USP9Y: variants seen among roughly 807,000 people sequenced by gnomAD.
USP9Y encodes the protein ubiquitin specific peptidase 9 Y-linked.
A neutral mutation model predicts 53.1 loss-of-function variants in USP9Y; 41 were observed. The ratio of observed to expected loss-of-function variants is 0.77; its 90% CI spans 0.60 to 1.00. The LOEUF is 1.00. Among genes scored for constraint, USP9Y ranks in the 50% least tolerant of loss-of-function variants. USP9Y has a pLI of 0.00. For synonymous variants in USP9Y, 220 were observed against 173.7 expected, an observed-to-expected ratio of 1.27 and a Z score of -2.09; for missense variants, 567 against 535.8, an observed-to-expected ratio of 1.06 and a Z score of -0.58.
chrY:12,853,748 C>T, intron 42 of USP9Y, among the ~76,000 whole-genome samples: 1 of 33,195 alleles, frequency 3.0e-5, no homozygotes, highest in African/African-American at 1.2e-4. Flanking sequence ...TTAAGGAACC[C>T]AGTAAGGCTT....
intron 30 of USP9Y, among the ~76,000 whole-genome samples, chrY:12,812,502 A>G (rs1603201797): frequency 6.0e-5 from 2 of 33,601 alleles, no homozygotes; most frequent in East Asian, 1.6e-3. Context: ...ATGTCATGCA[A>G]TTCAAGAAAA....
At position 12,735,634 on chromosome Y, in the gene USP9Y, A is replaced by G; in HGVS notation, c.680A>G (p.Asn227Ser). The change falls in exon 8 of 46, where the codon AAT becomes AGT. Residue 227 changes from asparagine (N) to serine (S), a missense_variant. Coordinates refer to ENST00000338981, the MANE Select transcript of USP9Y (RefSeq NM_004654.4). ...SPKGWLVDLI[N>S]KFGTLNGFQI... ...CAGGGTTGGCTAGTGGATCTCATCA[A>G]TAAATTTGGCACATTAAATGGGTTC... 5.1e-6 allele frequency: 2 copies of G among 395,414 alleles called. No individual in the cohort carries two copies. Among genetic ancestry groups the G allele is most frequent in the Non-Finnish European group, 7.1e-6 (2 of 280,957 alleles).
intron 3 of USP9Y, among the ~76,000 whole-genome samples, chrY:12,717,263 T>A (rs76415739): frequency 3.2e-5 from 1 of 31,407 alleles, no homozygotes; most frequent in South Asian, 7.7e-4. Context: ...ACTATGCATG[T>A]GAGGGATGTA....
intron 30 of USP9Y, among the ~76,000 whole-genome samples, 200 bp downstream of exon 30, chrY:12,811,981 G>A (rs2053531407): frequency 6.3e-5 from 2 of 31,758 alleles, no homozygotes; most frequent in Non-Finnish European, 1.5e-4. Flanking sequence ...GTAGAGACCT[G>A]GCTAATTTTT....
intron 42 of USP9Y, 87 bp from the exon 43 acceptor site, chrY:12,856,252 CA>C: frequency 3.9e-6 from 1 of 257,806 alleles, no homozygotes; most frequent in Non-Finnish European, 6.1e-6. Context: ...ATGATTACAT[CA>C]AAAAAGTACT....
intron 15 of USP9Y, among the ~76,000 whole-genome samples, chrY:12,767,742 G>T (rs2053481484): frequency 9.3e-5 from 3 of 32,415 alleles, no homozygotes. Context: ...GCTTTTTCTT[G>T]TGATATCATG....
At chrY:12,718,928 G>A in intron 3 of USP9Y, among the ~76,000 whole-genome samples, 1 of 34,039 alleles carries the variant, frequency 2.9e-5, no homozygotes, top group Non-Finnish European at 7.3e-5. Flanking sequence ...AAATGTACTA[G>A]TTTGTCCATT....
intron 33 of USP9Y, among the ~76,000 whole-genome samples, chrY:12,825,298 T>A: frequency 1.8e-4 from 6 of 33,077 alleles, no homozygotes; most frequent in African/African-American, 7.2e-4. Context: ...TATGTGTGTG[T>A]GAGCATTGAT....
intron 16 of USP9Y, among the ~76,000 whole-genome samples, chrY:12,772,593 G>C (rs753140514): frequency 4.3e-4 from 13 of 29,989 alleles, no homozygotes; most frequent in Middle Eastern, 0.015. Context: ...GGTGAAACTG[G>C]GTCTCTACTA....
In USP9Y at chrY:12,818,480, G is replaced by C; in HGVS notation, c.4891G>C (p.Ala1631Pro). ...GYPHQFEDKP[A>P]LSKTEDRKEY... Reference sequence around the variant, plus strand: ...TCCTCATCAATTTGAAGACAAGCCAGCATTAAGTAAGACAGAAGATAGGAA... The same window carrying C: ...TCCTCATCAATTTGAAGACAAGCCACCATTAAGTAAGACAGAAGATAGGAA... Residue 1631 changes from alanine to proline, a missense_variant, in exon 33 of 46, where the codon GCA becomes CCA. By Grantham distance (27) the Ala-to-Pro change is conservative (BLOSUM62 -1). Transcript: ENST00000338981. 2.5e-6 allele frequency: 1 copy of C among 397,145 alleles called. No homozygotes were observed. Among genetic ancestry groups the C allele is most frequent in the Non-Finnish European group, 3.5e-6 (1 of 282,387 alleles).
At chrY:12,719,911 G>A in intron 3 of USP9Y, among the ~76,000 whole-genome samples, 1 of 29,431 alleles carries the variant, frequency 3.4e-5, no homozygotes, top group Admixed American at 3.1e-4. Context: ...CTCAGCCTCC[G>A]AAATAGTTGG....
chrY:12,787,169 C>T (rs2053503233), intron 24 of USP9Y, among the ~76,000 whole-genome samples: 2 of 33,833 alleles, frequency 5.9e-5, no homozygotes, highest in East Asian at 1.5e-3. Context: ...ATGCAGCAAA[C>T]CTCTCTTCCC....
chrY:12,783,580 AAAT>A (rs2053499635), intron 22 of USP9Y, among the ~76,000 whole-genome samples: 1 of 33,523 alleles, frequency 3.0e-5, no homozygotes, highest in Non-Finnish European at 7.4e-5. Context: ...AAAAACTTTG[AAAT>A]ACTGTGAGAA....
intron 22 of USP9Y, among the ~76,000 whole-genome samples, chrY:12,780,304 G>T: frequency 3.1e-5 from 1 of 32,287 alleles, no homozygotes; most frequent in Non-Finnish European, 7.5e-5. Flanking sequence ...TGTTCATGTG[G>T]TCAGATCTGT....
At chrY:12,720,766 T>G in intron 4 of USP9Y, 29 bp downstream of exon 4, 1 of 395,347 alleles carries the variant, frequency 2.5e-6, no homozygotes, top group South Asian at 3.0e-5. Flanking sequence ...GTTTTATTAA[T>G]GGATGCAGTA....
intron 1 of USP9Y, among the ~76,000 whole-genome samples, chrY:12,704,438 T>C (rs899767137): frequency 1.5e-4 from 5 of 33,875 alleles, no homozygotes; most frequent in Non-Finnish European, 2.9e-4. Flanking sequence ...TGGTCTGTAG[T>C]TTCTTTTTAG....
At position 12,857,625 on chromosome Y, in the gene USP9Y, A is replaced by G. The variant is rs1345967776; in HGVS notation, c.7494A>G (p.Pro2498=). The stretch of plus-strand genomic sequence containing the variant: ...AGCCCTCTCCATCAGAAGATGCCCC[A>G]TTATATCCTCATTCACCTGCCTCTC... The part of the protein sequence containing the change: ...EHEPSPSEDA[P]LYPHSPASQY... The change falls in exon 45 of 46, where the codon CCA becomes CCG. Residue 2498 remains proline (P), a synonymous_variant. Transcript: ENST00000338981. The G allele has an allele frequency of 2.6e-6, 1 of 386,503 alleles. No homozygotes were observed.
In USP9Y at chrY:12,725,134, C is replaced by A; in HGVS notation, c.347C>A (p.Ala116Glu). 2.5e-6 allele frequency: 1 copy of A among 396,795 alleles called. No individual in the cohort carries two copies. Among genetic ancestry groups the A allele is most frequent in the Non-Finnish European group, 3.5e-6 (1 of 282,224 alleles). ...SVKGLDVKSE[A>E]CQRFFRDGLT... ...TTAGGCCTTGATGTTAAAAGTGAAG[C>A]ATGCCAACGTTTTTTTCGAGATGGA... Residue 116 changes from alanine (A) to glutamate (E), a missense_variant, in exon 6 of 46, where the codon GCA (alanine) becomes GAA (glutamate). Coordinates refer to ENST00000338981, the MANE Select transcript of USP9Y (RefSeq NM_004654.4).
chrY:12,726,856 C>T, intron 7 of USP9Y, 63 bp downstream of exon 7: 1 of 271,705 alleles, frequency 3.7e-6, no homozygotes, highest in East Asian at 1.0e-4. Flanking sequence ...TGCCACAGAC[C>T]ATTAGTGATG....
Sources: allele counts gnomAD v4.1 joint callset (sites outside exome capture counted in the v4.1 genomes callset), GRCh38; gene constraint gnomAD v4.1.1; transcripts MANE v1.5; gene names NCBI Gene and HGNC (gene_info 2026-07-23, HGNC 2026-07-21).